PPM1D: variants seen among roughly 807,000 people sequenced by gnomAD.
PPM1D encodes the protein protein phosphatase, Mg2+/Mn2+ dependent 1D.
PPM1D carries 52 observed loss-of-function variants against 58.3 expected under a neutral mutation model. That is an observed-to-expected ratio of 0.89 (90% CI 0.71 to 1.12). The LOEUF (loss-of-function observed/expected upper bound fraction) is 1.12, where lower values mean the gene tolerates loss of function less well. Ranked by LOEUF, PPM1D falls within the 50% of genes most tolerant of loss-of-function variation. PPM1D has a pLI of 0.00. For missense variants in PPM1D, 564 were observed against 777.2 expected, an observed-to-expected ratio of 0.73 and a Z score of 3.26; for synonymous variants, 278 against 285.1, an observed-to-expected ratio of 0.98 and a Z score of 0.25.
chr17:60,622,611 T>A (rs1169985752), intron 1 of PPM1D, among the ~76,000 whole-genome samples: 1 of 152,194 alleles, frequency 6.6e-6, no homozygotes, highest in African/African-American at 2.4e-5. Flanking sequence ...TTATTCAAAG[T>A]ATTGATATCC....
chr17:60,657,227 A>G, intron 5 of PPM1D: 1 of 542,546 alleles, frequency 1.8e-6, no homozygotes, highest in Non-Finnish European at 2.4e-6. Context: ...CTGTCTAAAC[A>G]AGGTCATAGA....
chr17:60,646,460 T>TA (rs1481940117), intron 3 of PPM1D, among the ~76,000 whole-genome samples: 1 of 152,198 alleles, frequency 6.6e-6, no homozygotes, highest in African/African-American at 2.4e-5. Context: ...AAAAATTGTT[T>TA]AACCTCTTGT....
intron 3 of PPM1D, among the ~76,000 whole-genome samples, chr17:60,639,711 T>G (rs982502200): frequency 3.3e-5 from 5 of 152,232 alleles, no homozygotes; most frequent in African/African-American, 9.6e-5. Flanking sequence ...GTGTTGGGAT[T>G]ACAGGCGTGA....
intron 2 of PPM1D, among the ~76,000 whole-genome samples, chr17:60,624,093 A>G (rs1379191782): frequency 6.6e-6 from 1 of 152,150 alleles, no homozygotes; most frequent in East Asian, 1.9e-4. Context: ...TGGCTGGGGG[A>G]AAAAGATTAA....
intron 1 of PPM1D, among the ~76,000 whole-genome samples, chr17:60,620,926 T>A (rs1234110581): frequency 6.6e-6 from 1 of 152,038 alleles, no homozygotes; most frequent in Non-Finnish European, 1.5e-5. Context: ...TTCTTTTCTT[T>A]CTTTCTTTTT....
intron 2 of PPM1D, among the ~76,000 whole-genome samples, chr17:60,627,234 A>G (rs1260539859): frequency 2.0e-5 from 3 of 152,046 alleles, no homozygotes; most frequent in African/African-American, 7.2e-5. Flanking sequence ...CAACAGGAAT[A>G]TTTTTGGTCT....
chr17:60,628,285 C>T (rs1329421867), intron 2 of PPM1D, among the ~76,000 whole-genome samples: 2 of 152,244 alleles, frequency 1.3e-5, no homozygotes, highest in African/African-American at 2.4e-5. Context: ...TACCCCCCGT[C>T]TCCCAGGCTT....
At chr17:60,616,292 A>G (rs2143641406) in intron 1 of PPM1D, among the ~76,000 whole-genome samples, 1 of 151,836 alleles carries the variant, frequency 6.6e-6, no homozygotes, top group African/African-American at 2.4e-5. Flanking sequence ...TGTCTCAAAA[A>G]AAAAAAAAAA....
chr17:60,641,685 C>A (rs750022728), intron 3 of PPM1D, among the ~76,000 whole-genome samples: 1 of 152,172 alleles, frequency 6.6e-6, no homozygotes, highest in South Asian at 2.1e-4. Context: ...ACGATTCTTA[C>A]AGTTTGAGGT....
At chr17:60,616,100 A>G (rs935094037) in intron 1 of PPM1D, among the ~76,000 whole-genome samples, 12 of 151,894 alleles carry the variant, frequency 7.9e-5, no homozygotes, top group Admixed American at 4.6e-4. Context: ...CTGCCTCCCA[A>G]GCTCAAGTGA....
intron 2 of PPM1D, among the ~76,000 whole-genome samples, chr17:60,625,187 C>T (rs553288905): frequency 1.3e-5 from 2 of 152,132 alleles, no homozygotes; most frequent in Non-Finnish European, 2.9e-5. Context: ...AGGTGCATGG[C>T]AACCCCGGTT....
In PPM1D at chr17:60,600,401, C is replaced by T; in HGVS notation, c.-14C>T. ...CGGGCTGCGTGGGACCGGCGGGATCCCGGCCAGCCGGCCATGGCGGGGCTG... is the reference window on the plus strand; with the variant it reads ...CGGGCTGCGTGGGACCGGCGGGATCTCGGCCAGCCGGCCATGGCGGGGCTG... On this transcript the variant is annotated 5_prime_UTR_variant, in exon 1 of 6. Coordinates refer to ENST00000305921, the MANE Select transcript of PPM1D (RefSeq NM_003620.4). 6.5e-7 allele frequency: 1 copy of T among 1,541,044 alleles called. No individual in the cohort carries two copies. Among genetic ancestry groups the T allele is most frequent in the Non-Finnish European group, 8.7e-7 (1 of 1,144,394 alleles).
At chr17:60,629,004 A>T (rs2030868198) in intron 2 of PPM1D, among the ~76,000 whole-genome samples, 1 of 152,228 alleles carries the variant, frequency 6.6e-6, no homozygotes, top group Non-Finnish European at 1.5e-5. Context: ...GAATAATTAT[A>T]CATCTTTTCA....
intron 1 of PPM1D, among the ~76,000 whole-genome samples, chr17:60,619,601 T>G (rs772012932): frequency 1.3e-5 from 2 of 152,162 alleles, no homozygotes; most frequent in African/African-American, 2.4e-5. Context: ...GTTATCTCTC[T>G]CTTTATTTTT....
At chr17:60,626,882 T>G (rs941039546) in intron 2 of PPM1D, among the ~76,000 whole-genome samples, 1 of 152,240 alleles carries the variant, frequency 6.6e-6, no homozygotes, top group Non-Finnish European at 1.5e-5. Context: ...ATGAGAAATA[T>G]TGAATCTTTT....
In PPM1D at chr17:60,643,883, C is replaced by CTTTTTTTTTTTTT. The variant is rs71148308; in HGVS notation, c.827-4000_827-3988dup. On this transcript the variant is annotated intron_variant, in intron 3 of 5. Coordinates refer to ENST00000305921, the MANE Select transcript of PPM1D (RefSeq NM_003620.4). ...TTGTGCAATAGAACTCTTTTCTTTT[C>CTTTTTTTTTTTTT]TTTTTTTTTTTTTTTTTTTTTGAGA... 1.0e-3 allele frequency among the ~76,000 whole-genome samples: 98 copies of CTTTTTTTTTTTTT among 97,704 alleles called. 1 individual carries two copies. The highest frequency in any genetic ancestry group is 1.1e-3 in the Non-Finnish European group (58 of 53,220). 64.1% of individuals were successfully genotyped at this position (97,704 alleles called of 152,430 possible).
intron 1 of PPM1D, among the ~76,000 whole-genome samples, chr17:60,617,620 G>A (rs899129648): frequency 6.6e-6 from 1 of 151,906 alleles, no homozygotes; most frequent in African/African-American, 2.4e-5. Flanking sequence ...AATTGAAAGG[G>A]CTGAAGAAAC....
At chr17:60,655,665 T>A (rs573725757) in intron 4 of PPM1D, among the ~76,000 whole-genome samples, 1 of 151,994 alleles carries the variant, frequency 6.6e-6, no homozygotes, top group African/African-American at 2.4e-5. Context: ...TTTAAGTAAC[T>A]TCTTTATAAC....
chr17:60,644,660 C>G (rs1028365412), intron 3 of PPM1D, among the ~76,000 whole-genome samples: 5 of 152,144 alleles, frequency 3.3e-5, no homozygotes, highest in African/African-American at 1.2e-4. Context: ...CAGCAAATAA[C>G]TAAAACCAGC....
Sources: allele counts gnomAD v4.1 joint callset (sites outside exome capture counted in the v4.1 genomes callset), GRCh38; gene constraint gnomAD v4.1.1; transcripts MANE v1.5; gene names NCBI Gene and HGNC (gene_info 2026-07-23, HGNC 2026-07-21).